STPG1: variants seen among roughly 807,000 people sequenced by gnomAD.
STPG1 encodes sperm tail PG-rich repeat containing 1.
STPG1 carries 33 observed loss-of-function variants against 40.1 expected under a neutral mutation model. The observed-to-expected ratio is 0.82, with a 90% confidence interval of 0.62 to 1.10. The LOEUF (loss-of-function observed/expected upper bound fraction) is 1.10. STPG1 is among the 50% of genes least tolerant of loss of function. STPG1 has a pLI of 0.00. For synonymous variants in STPG1, 150 were observed against 155.0 expected (o/e 0.97, Z 0.24); for missense variants, 396 against 415.1 (o/e 0.95, Z 0.40).
chr1:24,402,342 A>G (rs1643257847), intron 1 of STPG1, among the ~76,000 whole-genome samples: 1 of 152,154 alleles, frequency 6.6e-6, no homozygotes, highest in Non-Finnish European at 1.5e-5. Flanking sequence ...GTGTTTGCTC[A>G]ATCTTGTTAA....
intron 2 of STPG1, among the ~76,000 whole-genome samples, chr1:24,395,700 G>A (rs1220467228): frequency 6.6e-6 from 1 of 152,064 alleles, no homozygotes; most frequent in African/African-American, 2.4e-5. Context: ...TCAAAGTGCT[G>A]GGATTACAGG....
intron 7 of STPG1, among the ~76,000 whole-genome samples, chr1:24,362,546 C>G (rs567686639): frequency 2.0e-5 from 3 of 152,306 alleles, no homozygotes; most frequent in East Asian, 1.9e-4. Flanking sequence ...TTACAATGAA[C>G]AGAGAAAAGG....
chr1:24,364,529 G>A (rs1641329060), intron 7 of STPG1: 3 of 1,268,292 alleles, frequency 2.4e-6, no homozygotes, highest in Non-Finnish European at 3.1e-6. Context: ...TTAAGGGAAG[G>A]TATTGTGTCT....
chr1:24,364,732 G>A (rs1241924184), intron 7 of STPG1, among the ~76,000 whole-genome samples: 1 of 152,178 alleles, frequency 6.6e-6, no homozygotes, highest in Non-Finnish European at 1.5e-5. Context: ...ATCAAACCCA[G>A]GGCAGCCCAC....
intron 7 of STPG1, 54 bp from the exon 8 acceptor site, chr1:24,361,095 C>T: frequency 6.7e-7 from 1 of 1,497,262 alleles, no homozygotes; most frequent in Non-Finnish European, 9.0e-7. Flanking sequence ...GTGGGGAAGG[C>T]ACAGTTTCTA....
intron 1 of STPG1, among the ~76,000 whole-genome samples, chr1:24,402,757 A>C (rs961287975): frequency 2.7e-5 from 4 of 150,578 alleles, no homozygotes; most frequent in Non-Finnish European, 4.4e-5. Flanking sequence ...AAAAAAAAAA[A>C]CAAAAAAAAA....
rs146725323 is a variant in STPG1, at chr1:24,373,346, G to A, written c.571+356C>T. Among the ~76,000 whole-genome samples the A allele has an allele frequency of 3.9e-3, 592 of 152,314 alleles. 6 individuals are homozygous for A. Among genetic ancestry groups the A allele is most frequent in the African/African-American group, 0.013 (549 of 41,558 alleles). ...GGAACAGGATGTATGGTCATGCCCT[G>A]TATCTCCTGCCCCTCCCCAGTGGCC... On this transcript the variant is annotated intron_variant, in intron 6 of 8. Transcript: ENST00000337248.
chr1:24,375,269 C>T (rs1386774857), intron 5 of STPG1, among the ~76,000 whole-genome samples: 4 of 152,124 alleles, frequency 2.6e-5, no homozygotes, highest in Admixed American at 2.0e-4. Flanking sequence ...CTCCTGTATT[C>T]ATTGGAGAAC....
intron 5 of STPG1, chr1:24,379,343 C>A: frequency 3.7e-6 from 1 of 270,894 alleles, no homozygotes. Flanking sequence ...AATAATACAC[C>A]CATTGTTACA....
intron 5 of STPG1, among the ~76,000 whole-genome samples, chr1:24,377,544 C>G (rs1642086391): frequency 6.6e-6 from 1 of 152,138 alleles, no homozygotes; most frequent in Non-Finnish European, 1.5e-5. Context: ...AGTCTCGGAG[C>G]CTTCTCTGAC....
At position 24,357,541 on chromosome 1, in the gene STPG1, T is replaced by A. The variant is rs1324733814; in HGVS notation, c.*1002A>T. ...TTTTAAAGTCCCCAGGTGATTACAG[T>A]GTGCAGTCAAGGCTGAGAACCACTT... On this transcript the variant is annotated 3_prime_UTR_variant, in exon 9 of 9. Transcript: ENST00000337248. The A allele has an allele frequency of 6.5e-6, 1 of 154,078 alleles. No homozygotes were observed. The highest frequency in any genetic ancestry group is 6.4e-5 in the Admixed American group (1 of 15,556). 9.5% of individuals were successfully genotyped at this position (154,078 alleles called of 1,614,324 possible).
chr1:24,401,417 T>C lies in STPG1; in HGVS notation c.-29A>G. The C allele has an allele frequency of 1.2e-6, 2 of 1,608,092 alleles. No homozygotes were observed. The highest frequency in any genetic ancestry group is 1.7e-6 in the Non-Finnish European group (2 of 1,175,368). On this transcript the variant is annotated 5_prime_UTR_variant, in exon 2 of 9. Transcript: ENST00000337248. ...AGCAAAATTCTGTGACGTGTTCCATTTGTTTGATGAAAAGTTCTACTGCAT... is the reference window on the plus strand; with the variant it reads ...AGCAAAATTCTGTGACGTGTTCCATCTGTTTGATGAAAAGTTCTACTGCAT...
At chr1:24,383,529 C>T (rs962300028) in intron 4 of STPG1, among the ~76,000 whole-genome samples, 5 of 152,162 alleles carry the variant, frequency 3.3e-5, no homozygotes, top group African/African-American at 1.2e-4. Flanking sequence ...AGTTTGACAA[C>T]CAATTAGATT....
rs1641071440 is a variant in STPG1, at chr1:24,360,948, G to T, written c.831C>A (p.Tyr277Ter). The T allele has an allele frequency of 1.9e-6, 3 of 1,614,012 alleles. No individual in the cohort carries two copies. The Admixed American group carries it at 5.0e-5, about 27-fold the overall frequency. Residue 277 changes from tyrosine (Y) to a stop codon, truncating the protein, a stop_gained, in exon 8 of 9, where the codon TAC becomes TAA. Transcript: ENST00000337248. LOFTEE classifies it high-confidence loss of function. ...PGPGQYEIVDYLGPRKHFISS... is the reference protein window; with the variant it reads ...PGPGQYEIVD ...AGATGAAATGCTTGCGGGGGCCTAAGTAGTCCACGATCTCATACTGACCAG... is the reference window on the plus strand; with the variant it reads ...AGATGAAATGCTTGCGGGGGCCTAATTAGTCCACGATCTCATACTGACCAG...
chr1:24,390,344 G>C (rs1642706732), intron 3 of STPG1, among the ~76,000 whole-genome samples: 1 of 152,202 alleles, frequency 6.6e-6, no homozygotes, highest in African/African-American at 2.4e-5. Flanking sequence ...CCAGGTTAGA[G>C]AGGAAAAGAG....
chr1:24,385,394 G>A (rs1420235605), intron 3 of STPG1, among the ~76,000 whole-genome samples: 2 of 152,182 alleles, frequency 1.3e-5, no homozygotes, highest in Non-Finnish European at 2.9e-5. Context: ...CAGGCAGCAG[G>A]AGGCACTGTG....
intron 2 of STPG1, among the ~76,000 whole-genome samples, chr1:24,398,425 G>A (rs990586381): frequency 1.3e-5 from 2 of 152,128 alleles, no homozygotes; most frequent in African/African-American, 4.8e-5. Flanking sequence ...CCTTGAGACA[G>A]GGAGTGAAAC....
chr1:24,406,482 CAA>C (rs1299271595), intron 1 of STPG1, among the ~76,000 whole-genome samples: 2 of 152,042 alleles, frequency 1.3e-5, no homozygotes, highest in African/African-American at 4.8e-5. Flanking sequence ...TGTGTAAATT[CAA>C]GATTCTTTCT....
rs781133070 is a variant in STPG1, at chr1:24,379,781, T to G, written c.334A>C (p.Asn112His). ...AAATCCGATGGGATAGTGTATGCATTCGCTGCAGGGTATTTAGAAATGATG... is the reference window on the plus strand; with the variant it reads ...AAATCCGATGGGATAGTGTATGCATGCGCTGCAGGGTATTTAGAAATGATG... The part of the protein sequence containing the change: ...DTIISKYPAA[N>H]AYTIPSDFIS... Residue 112 changes from asparagine (N) to histidine (H), a missense_variant, in exon 5 of 9, where the codon AAT (asparagine) becomes CAT (histidine). Coordinates refer to ENST00000337248, the MANE Select transcript of STPG1 (RefSeq NM_001199013.2). The G allele has an allele frequency of 6.2e-7, 1 of 1,614,116 alleles. No individual in the cohort carries two copies. The highest frequency in any genetic ancestry group is 1.7e-5 in the Admixed American group (1 of 60,022).
Sources: gnomAD v4.1 joint callset for allele counts (sites outside exome capture counted in the v4.1 genomes callset) on GRCh38, gnomAD v4.1.1 for gene constraint, MANE v1.5 for transcripts, NCBI Gene and HGNC (gene_info 2026-07-23, HGNC 2026-07-21) for gene names.